The following MACF1 variants were observed in gnomAD, a reference collection of about 807,000 sequenced individuals.
MACF1 encodes microtubule-actin cross-linking factor 1.
Under a neutral mutation model 854.8 loss-of-function variants are expected in MACF1, and 193 were observed. The observed-to-expected ratio is 0.23, with a 90% CI of 0.20 to 0.25. The LOEUF (loss-of-function observed/expected upper bound fraction) is 0.25. MACF1 is among the 10% of genes least tolerant of loss of function. The probability of loss-of-function intolerance (pLI) is 1.00; values close to 1 mark genes in which losing one functional copy is unlikely to be tolerated. For missense variants in MACF1, 7,722 were observed against 8,929.1 expected, an observed-to-expected ratio of 0.86 and a Z score of 5.45; for synonymous variants, 3,185 against 3,226.7, an observed-to-expected ratio of 0.99 and a Z score of 0.44.
intron 95 of MACF1, among the ~76,000 whole-genome samples, chr1:39,467,218 T>A (rs1644687913): frequency 6.6e-6 from 1 of 151,982 alleles, no homozygotes. Context: ...TACAAAAAAT[T>A]AGCCGGCCTG....
At chr1:39,096,875 CTTTT>C (rs34305714) in intron 2 of MACF1, among the ~76,000 whole-genome samples, 3 of 123,788 alleles carry the variant, frequency 2.4e-5, no homozygotes, top group African/African-American at 3.0e-5. Flanking sequence ...TGAGGGATTC[CTTTT>C]TTTTTTTTTT....
At chr1:39,449,745 C>A (rs894258458) in intron 84 of MACF1, among the ~76,000 whole-genome samples, 1 of 146,968 alleles carries the variant, frequency 6.8e-6, no homozygotes, top group Non-Finnish European at 1.5e-5. Context: ...CTCTCTGGCC[C>A]AGGCTGGAGT....
intron 97 of MACF1, among the ~76,000 whole-genome samples, chr1:39,471,275 G>C (rs1161634187): frequency 6.6e-6 from 1 of 152,192 alleles, no homozygotes; most frequent in Non-Finnish European, 1.5e-5. Context: ...GGGTATGAAG[G>C]ATGAGAAGAG....
At chr1:39,225,210 C>CTTTTTTTTT (rs1553171310) in intron 1 of MACF1, among the ~76,000 whole-genome samples, 4 of 17,616 alleles carry the variant, frequency 2.3e-4, no homozygotes, top group Non-Finnish European at 4.6e-4. Context: ...GCAAATTTTT[C>CTTTTTTTTT]TTTTTTCTTT....
intron 56 of MACF1, among the ~76,000 whole-genome samples, chr1:39,382,842 C>A (rs1213495462): frequency 2.6e-5 from 4 of 151,322 alleles, no homozygotes; most frequent in African/African-American, 4.9e-5. Context: ...TTGGTCAGGC[C>A]GGGTGCAGTG....
At chr1:39,406,907 T>G (rs1298972409) in intron 58 of MACF1, among the ~76,000 whole-genome samples, 3 of 152,184 alleles carry the variant, frequency 2.0e-5, no homozygotes, top group Non-Finnish European at 4.4e-5. Flanking sequence ...TATTTGCTAG[T>G]AAAATTGATC....
chr1:39,348,712 G>A (rs1647111808), intron 41 of MACF1, among the ~76,000 whole-genome samples: 1 of 152,162 alleles, frequency 6.6e-6, no homozygotes, highest in Non-Finnish European at 1.5e-5. Flanking sequence ...TAGAAGGATG[G>A]TCAGGAGAAC....
Position 39,387,519 on chromosome 1 carries a change from G to C in MACF1, c.14677G>C (p.Asp4893His), listed in dbSNP as rs1454646908. 2 of 1,614,176 alleles carry C rather than the reference G, an allele frequency of 1.2e-6. No homozygotes were observed. The highest frequency in any genetic ancestry group is 1.7e-6 in the Non-Finnish European group (2 of 1,180,038). ...GGAAGAGCTTAGTAAAAAAACTGCA[G>C]ACAGACAATCCAGGCTCAAGGATTG... ...HWEELSKKTA[D>H]RQSRLKDCMQ... Residue 4893 changes from aspartate to histidine, a missense_variant, in exon 58 of 101, where the codon GAC (aspartate) becomes CAC (histidine). By Grantham distance (81) the Asp-to-His change is moderately conservative. Transcript: ENST00000564288.
intron 2 of MACF1, among the ~76,000 whole-genome samples, chr1:39,085,698 A>G (rs1297944029): frequency 6.6e-6 from 1 of 152,104 alleles, no homozygotes; most frequent in Non-Finnish European, 1.5e-5. Context: ...ATACAAACCT[A>G]ATTCTATTAC....
At position 39,460,277 on chromosome 1, in the gene MACF1, C is replaced by G. The variant is rs546538558; in HGVS notation, c.21361-355C>G. 2.2e-4 allele frequency among the ~76,000 whole-genome samples: 33 copies of G among 152,300 alleles called. No homozygotes were observed. The highest frequency in any genetic ancestry group is 7.9e-4 in the African/African-American group (33 of 41,564). On this transcript the variant is annotated intron_variant, in intron 91 of 100. Coordinates refer to ENST00000564288, the MANE Select transcript of MACF1 (RefSeq NM_001394062.1). The surrounding 1 kb of genome is among the most constrained non-coding windows in gnomAD (Gnocchi z 4.1). ...AACATAATCGAGGAGTGCTAAGGAC[C>G]TCCCTTCTGGGTTAGAATCCATTTC...
intron 2 of MACF1, among the ~76,000 whole-genome samples, chr1:39,155,701 A>T (rs1215573043): frequency 6.6e-6 from 1 of 152,208 alleles, no homozygotes; most frequent in African/African-American, 2.4e-5. Context: ...TTATGACCTA[A>T]AAATAGTTAA....
chr1:39,318,195 G>A (rs763972501), intron 29 of MACF1, among the ~76,000 whole-genome samples: 2 of 152,070 alleles, frequency 1.3e-5, no homozygotes, highest in Admixed American at 6.6e-5. Context: ...ATTTGACAAG[G>A]ATTATTGTGG....
rs1646803150 is a variant in MACF1 at position 39,335,960 on chromosome 1, A to T, written c.9372A>T (p.Thr3124=). 1 of 1,614,060 alleles carries T rather than the reference A, an allele frequency of 6.2e-7. No individual in the cohort carries two copies. Among genetic ancestry groups the T allele is most frequent in the Non-Finnish European group, 8.5e-7 (1 of 1,180,018 alleles). ...YQESDGKAQV[T]GPSQISKTDK... is the part of the protein sequence containing the mutation. The stretch of plus-strand genomic sequence containing the variant: ...AATCAGATGGAAAAGCCCAAGTGAC[A>T]GGCCCATCCCAAATTTCCAAAACAG... The change falls in exon 37 of 101, where the codon ACA becomes ACT. Residue 3124 remains threonine, a synonymous_variant. Coordinates refer to ENST00000564288, the MANE Select transcript of MACF1 (RefSeq NM_001394062.1).
At chr1:39,277,499 C>G (rs1007151420) in intron 6 of MACF1, among the ~76,000 whole-genome samples, 1 of 152,176 alleles carries the variant, frequency 6.6e-6, no homozygotes, top group Non-Finnish European at 1.5e-5. Context: ...TACAGAGCTT[C>G]CCTTCCTGTA....
intron 2 of MACF1, among the ~76,000 whole-genome samples, chr1:39,112,504 C>G (rs564181558): frequency 1.3e-5 from 2 of 152,106 alleles, no homozygotes; most frequent in African/African-American, 4.8e-5. Context: ...ACGGTGAAAC[C>G]CTGTCTCTAC....
chr1:39,474,110 C>T (rs544378172), intron 97 of MACF1, among the ~76,000 whole-genome samples: 3 of 152,040 alleles, frequency 2.0e-5, no homozygotes, highest in South Asian at 2.1e-4. Context: ...AAATACAGGC[C>T]GGGTGCAGCA....
intron 2 of MACF1, among the ~76,000 whole-genome samples, chr1:39,174,168 A>G (rs776432923): frequency 1.3e-5 from 2 of 152,196 alleles, no homozygotes; most frequent in Non-Finnish European, 1.5e-5. Context: ...AGTAGTTCCC[A>G]AAGGACCTGC....
intron 37 of MACF1, 36 bp from the exon 38 acceptor site, chr1:39,337,146 G>T: frequency 6.3e-7 from 1 of 1,593,340 alleles, no homozygotes; most frequent in Non-Finnish European, 8.5e-7. Flanking sequence ...ACAGGAGAAC[G>T]TCAGAACTGA....
chr1:39,203,983 C>T (rs372563716), upstream of MACF1, among the ~76,000 whole-genome samples: 20 of 152,220 alleles, frequency 1.3e-4, no homozygotes, highest in East Asian at 3.5e-3. Context: ...GCTGGGTCCT[C>T]TGGTCTAAGG....
Sources: gnomAD v4.1 joint callset for allele counts (sites outside exome capture counted in the v4.1 genomes callset) on GRCh38, gnomAD v4.1.1 for gene constraint, Gnocchi (gnomAD v3.1) non-coding constraint, MANE v1.5 for transcripts, NCBI Gene and HGNC (gene_info 2026-07-23, HGNC 2026-07-21) for gene names.